Variants in SLIT3 observed in about 807,000 individuals in gnomAD.
The protein encoded by SLIT3 is slit homolog 3 protein.
A neutral mutation model predicts 184.0 loss-of-function variants in SLIT3; 68 were observed. The ratio of observed to expected loss-of-function variants is 0.37; its 90% CI spans 0.30 to 0.45. The LOEUF (loss-of-function observed/expected upper bound fraction) is 0.45. Ranked by LOEUF, SLIT3 falls within the 20% of genes least tolerant of loss-of-function variation. The probability of loss-of-function intolerance (pLI) is 1.00; values close to 1 mark genes in which losing one functional copy is unlikely to be tolerated. For synonymous variants in SLIT3, 831 were observed against 828.6 expected (o/e 1.00, Z -0.05); for missense variants, 1,707 against 2,026.0 (o/e 0.84, Z 3.02).
intron 5 of SLIT3, among the ~76,000 whole-genome samples, chr5:168,860,592 A>G (rs752688187): frequency 6.6e-6 from 1 of 152,196 alleles, no homozygotes; most frequent in Non-Finnish European, 1.5e-5. Flanking sequence ...TCCTAGAGAT[A>G]GTAAACAAAT....
At position 168,998,893 on chromosome 5, in the gene SLIT3, C is replaced by CTGTGTGTGTG. The variant is rs71575505; in HGVS notation, c.414-115567_414-115558dup. ...AAATTCTGGGAGGGGACCCAGAAAT[C>CTGTGTGTGTG]TGTGTGTGTGTGTGTGTGTGTGTGT... is the stretch of plus-strand genomic sequence containing the variant. On this transcript the variant is annotated intron_variant, in intron 4 of 35. Transcript: ENST00000519560. Among the ~76,000 whole-genome samples the CTGTGTGTGTG allele has an allele frequency of 3.5e-3, 501 of 143,278 alleles. 5 individuals are homozygous for CTGTGTGTGTG. The highest frequency in any genetic ancestry group is 0.012 in the African/African-American group (450 of 38,576). 94.0% of individuals were successfully genotyped at this position (143,278 alleles called of 152,430 possible).
At chr5:169,032,913 T>G (rs1757086772) in intron 4 of SLIT3, among the ~76,000 whole-genome samples, 1 of 149,244 alleles carries the variant, frequency 6.7e-6, no homozygotes. Context: ...AAGTATCCAT[T>G]TTTCCTTGAT....
chr5:168,920,074 C>G (rs1268542042), intron 4 of SLIT3, among the ~76,000 whole-genome samples: 1 of 152,162 alleles, frequency 6.6e-6, no homozygotes, highest in Non-Finnish European at 1.5e-5. Flanking sequence ...TAGAAGGGAT[C>G]TCTAGCACCT....
chr5:169,142,415 A>T (rs1032640491), intron 4 of SLIT3, among the ~76,000 whole-genome samples: 4 of 152,164 alleles, frequency 2.6e-5, no homozygotes, highest in African/African-American at 4.8e-5. Flanking sequence ...CTGACTCCAT[A>T]ATCAGCTTCT....
intron 4 of SLIT3, among the ~76,000 whole-genome samples, chr5:169,039,305 G>GA (rs1262127145): frequency 7.1e-6 from 1 of 141,594 alleles, no homozygotes; most frequent in African/African-American, 2.7e-5. Context: ...TAAGAGTTAA[G>GA]TTTTTTTTTG....
intron 20 of SLIT3, among the ~76,000 whole-genome samples, chr5:168,740,210 A>G (rs1219557292): frequency 3.9e-5 from 6 of 152,202 alleles, no homozygotes; most frequent in Non-Finnish European, 2.9e-5. Context: ...GCCCTACTTC[A>G]AAGAGCACTT....
chr5:168,927,246 G>A (rs554917438), intron 4 of SLIT3, among the ~76,000 whole-genome samples: 79 of 152,276 alleles, frequency 5.2e-4, no homozygotes, highest in African/African-American at 1.9e-3. Context: ...AGAACGTTAT[G>A]CCAAGTGAAA....
intron 3 of SLIT3, among the ~76,000 whole-genome samples, chr5:169,207,827 A>G (rs566349405): frequency 2.0e-5 from 3 of 152,158 alleles, no homozygotes; most frequent in Non-Finnish European, 4.4e-5. Flanking sequence ...CATGAATGGG[A>G]TTAGTGCTTC....
At chr5:168,996,928 T>C (rs533132157) in intron 4 of SLIT3, among the ~76,000 whole-genome samples, 1 of 152,270 alleles carries the variant, frequency 6.6e-6, no homozygotes, top group South Asian at 2.1e-4. Context: ...ATGGTCTATT[T>C]ACATTCAGGA....
chr5:168,906,893 C>T (rs1402078895), intron 4 of SLIT3, among the ~76,000 whole-genome samples: 1 of 152,096 alleles, frequency 6.6e-6, no homozygotes, highest in Non-Finnish European at 1.5e-5. Flanking sequence ...TGGAGTCTCA[C>T]TCTGCTGCCC....
At chr5:168,859,847 G>A (rs777253514) in intron 5 of SLIT3, among the ~76,000 whole-genome samples, 1 of 152,034 alleles carries the variant, frequency 6.6e-6, no homozygotes, top group African/African-American at 2.4e-5. Flanking sequence ...GGGATGGGCT[G>A]TCCACGTCTT....
At chr5:169,146,585 C>T (rs1270453106) in intron 4 of SLIT3, among the ~76,000 whole-genome samples, 1 of 152,132 alleles carries the variant, frequency 6.6e-6, no homozygotes, top group Non-Finnish European at 1.5e-5. Flanking sequence ...CTCAGATCAC[C>T]CGGCTCCTCC....
intron 1 of SLIT3, among the ~76,000 whole-genome samples, chr5:169,262,228 C>T (rs1336736688): frequency 6.6e-6 from 1 of 152,048 alleles, no homozygotes; most frequent in Non-Finnish European, 1.5e-5. Flanking sequence ...GGAGATAGGC[C>T]ACCACAAATA....
intron 4 of SLIT3, among the ~76,000 whole-genome samples, chr5:168,997,491 G>A (rs549478311): frequency 1.3e-5 from 2 of 152,272 alleles, no homozygotes; most frequent in Non-Finnish European, 2.9e-5. Flanking sequence ...TGGGGGTAGA[G>A]GGAGGTATGC....
chr5:168,919,176 C>T (rs751125805), intron 4 of SLIT3, among the ~76,000 whole-genome samples: 5 of 150,504 alleles, frequency 3.3e-5, no homozygotes, highest in African/African-American at 4.9e-5. Flanking sequence ...AAGAGAATGG[C>T]GTGAACCCGG....
intron 4 of SLIT3, among the ~76,000 whole-genome samples, chr5:169,152,037 C>T (rs941000738): frequency 2.6e-5 from 4 of 152,206 alleles, no homozygotes; most frequent in South Asian, 4.1e-4. Flanking sequence ...TTGCTGTTGA[C>T]ATCCTCATCA....
intron 14 of SLIT3, among the ~76,000 whole-genome samples, chr5:168,765,160 G>A (rs1755299109): frequency 6.6e-6 from 1 of 152,326 alleles, no homozygotes; most frequent in Middle Eastern, 3.4e-3. Context: ...GCCTGAAGGC[G>A]TGCACCGGCT....
At chr5:169,213,616 A>G (rs1290115929) in intron 3 of SLIT3, among the ~76,000 whole-genome samples, 1 of 151,580 alleles carries the variant, frequency 6.6e-6, no homozygotes, top group Non-Finnish European at 1.5e-5. Flanking sequence ...TAAAACTGCA[A>G]CTCCATTCCT....
At chr5:168,672,178 C>T (rs1452673786) in intron 33 of SLIT3, among the ~76,000 whole-genome samples, 1 of 152,160 alleles carries the variant, frequency 6.6e-6, no homozygotes, top group Non-Finnish European at 1.5e-5. Context: ...GTTCTGGGTG[C>T]ACCTGGAGCA....
Sources: gnomAD v4.1 joint callset for allele counts (sites outside exome capture counted in the v4.1 genomes callset) on GRCh38, gnomAD v4.1.1 for gene constraint, MANE v1.5 for transcripts, NCBI Gene and HGNC (gene_info 2026-07-23, HGNC 2026-07-21) for gene names.